Variants in RANBP2 observed in about 807,000 individuals in gnomAD.
RANBP2 encodes the protein E3 SUMO-protein ligase RanBP2.
A neutral mutation model predicts 303.6 loss-of-function variants in RANBP2; 57 were observed. The observed-to-expected ratio is 0.19, with a 90% CI of 0.15 to 0.23. RANBP2 has a LOEUF of 0.23. Ranked by LOEUF, RANBP2 falls within the 10% of genes least tolerant of loss-of-function variation. The pLI is 1.00. For missense variants in RANBP2, 3,138 were observed against 3,780.8 expected, an observed-to-expected ratio of 0.83 and a Z score of 4.46; for synonymous variants, 1,167 against 1,301.5, an observed-to-expected ratio of 0.90 and a Z score of 2.23.
chr2:109,315,640 C>T, the RANBP2 span, among the ~76,000 whole-genome samples: 47,499 of 152,118 alleles, frequency 0.31, 9,200 homozygotes, highest in African/African-American at 0.55. Context: ...AGAGAAGAGA[C>T]GCCTGTGCAG....
At chr2:109,595,309 C>T in the RANBP2 span, among the ~76,000 whole-genome samples, 4 of 152,178 alleles carry the variant, frequency 2.6e-5, no homozygotes, top group African/African-American at 9.7e-5. Context: ...TGTGTTTTTA[C>T]AATCTAAAAG....
the RANBP2 span, among the ~76,000 whole-genome samples, chr2:109,461,327 A>G: frequency 6.6e-6 from 1 of 152,236 alleles, no homozygotes; most frequent in South Asian, 2.1e-4. Flanking sequence ...TATCTCTCAG[A>G]AAGAGAGCAG....
the RANBP2 span, among the ~76,000 whole-genome samples, chr2:109,427,030 A>G: frequency 2.6e-5 from 4 of 152,028 alleles, no homozygotes; most frequent in African/African-American, 7.2e-5. Flanking sequence ...GTGCAGTGGC[A>G]TGATCTCAGC....
At chr2:109,615,239 G>T in the RANBP2 span, 3 of 1,549,880 alleles carry the variant, frequency 1.9e-6, no homozygotes, top group Non-Finnish European at 2.6e-6. Flanking sequence ...TGGCCTCGTC[G>T]TCCGCGGAGG....
chr2:108,846,968 A>G, the RANBP2 span: 1 of 1,123,936 alleles, frequency 8.9e-7, no homozygotes, highest in Non-Finnish European at 1.3e-6. Flanking sequence ...ATTTTGAGAA[A>G]CAATAGAGAA....
chr2:109,249,811 C>T, the RANBP2 span, among the ~76,000 whole-genome samples: 45 of 151,630 alleles, frequency 3.0e-4, no homozygotes, highest in Admixed American at 1.6e-3. Flanking sequence ...CGCCCGCCAC[C>T]GCGCCCGGCT....
the RANBP2 span, among the ~76,000 whole-genome samples, chr2:108,901,228 T>C: frequency 2.0e-5 from 3 of 152,170 alleles, no homozygotes; most frequent in Non-Finnish European, 2.9e-5. Flanking sequence ...GACAACAGTC[T>C]TCTAAATAAT....
the RANBP2 span, among the ~76,000 whole-genome samples, chr2:108,827,473 A>C: frequency 0.047 from 7,107 of 152,252 alleles, 546 homozygotes; most frequent in African/African-American, 0.16. Context: ...GGATAGGAAG[A>C]TTTATTATGA....
At chr2:108,902,714 G>C in the RANBP2 span, among the ~76,000 whole-genome samples, 1 of 152,152 alleles carries the variant, frequency 6.6e-6, no homozygotes, top group Non-Finnish European at 1.5e-5. Flanking sequence ...GGGAGGCAAG[G>C]CTGGTTCAAT....
At chr2:109,468,439 CAAAACGTCCTTA>C in the RANBP2 span, among the ~76,000 whole-genome samples, 2 of 152,316 alleles carry the variant, frequency 1.3e-5, no homozygotes, top group African/African-American at 4.8e-5. Context: ...TGTCATTGAC[CAAAACGTCCTTA>C]TGTAACACAT....
chr2:109,028,799 G>A, the RANBP2 span, among the ~76,000 whole-genome samples: 108 of 152,240 alleles, frequency 7.1e-4, 1 homozygote, highest in Non-Finnish European at 4.4e-4. Flanking sequence ...AGGTCATCGG[G>A]TCTAAGCCCC....
the RANBP2 span, among the ~76,000 whole-genome samples, chr2:108,834,187 TGA>T: frequency 6.7e-6 from 1 of 148,556 alleles, no homozygotes; most frequent in African/African-American, 2.6e-5. Flanking sequence ...TGATCTGTAA[TGA>T]GAGTTTACAT....
the RANBP2 span, among the ~76,000 whole-genome samples, chr2:108,874,076 A>G: frequency 1.3e-5 from 2 of 152,216 alleles, no homozygotes; most frequent in Non-Finnish European, 2.9e-5. Flanking sequence ...AATGCTTCAT[A>G]TAAAAGTAAG....
At chr2:109,150,572 G>A in the RANBP2 span, among the ~76,000 whole-genome samples, 1 of 152,166 alleles carries the variant, frequency 6.6e-6, no homozygotes, top group South Asian at 2.1e-4. Flanking sequence ...TACCCCCATT[G>A]TGCAGACGGG....
the RANBP2 span, among the ~76,000 whole-genome samples, chr2:109,282,985 C>T: frequency 3.9e-5 from 6 of 152,114 alleles, no homozygotes; most frequent in Non-Finnish European, 7.4e-5. Flanking sequence ...TACTCCCTCA[C>T]GTGGAGGAAG....
the RANBP2 span, among the ~76,000 whole-genome samples, chr2:109,515,185 G>T: frequency 6.6e-6 from 1 of 152,218 alleles, no homozygotes; most frequent in Non-Finnish European, 1.5e-5. Flanking sequence ...GGTTCTCCAG[G>T]CATTGGGAAT....
chr2:108,810,603 G>C, the RANBP2 span, among the ~76,000 whole-genome samples: 1 of 152,134 alleles, frequency 6.6e-6, no homozygotes, highest in African/African-American at 2.4e-5. Flanking sequence ...TGTTCATCAG[G>C]AATATTGGCC....
chr2:109,148,148 A>C, the RANBP2 span, among the ~76,000 whole-genome samples: 1,194 of 152,308 alleles, frequency 7.8e-3, 11 homozygotes, highest in African/African-American at 0.027. Context: ...TCATGCACCC[A>C]GTATGCAGTG....
chr2:108,953,995 T>C, the RANBP2 span, among the ~76,000 whole-genome samples: 1 of 152,220 alleles, frequency 6.6e-6, no homozygotes, highest in African/African-American at 2.4e-5. Flanking sequence ...CTGAAAGGCA[T>C]GATAAGTCTT....
Sources: gnomAD v4.1 joint callset for allele counts (sites outside exome capture counted in the v4.1 genomes callset) on GRCh38, gnomAD v4.1.1 for gene constraint, MANE v1.5 for transcripts, NCBI Gene and HGNC (gene_info 2026-07-23, HGNC 2026-07-21) for gene names.